Variants in KLHL2 observed in about 807,000 individuals in gnomAD.
The protein encoded by KLHL2 is kelch like family member 2.
In KLHL2, 15 loss-of-function variants were observed where a neutral mutation model predicts 75.8. That is an observed-to-expected ratio of 0.20 (90% CI 0.13 to 0.30). The LOEUF (loss-of-function observed/expected upper bound fraction) is 0.30. Ranked by LOEUF, KLHL2 falls within the 10% of genes least tolerant of loss-of-function variation. The probability of loss-of-function intolerance (pLI) is 1.00; values close to 1 mark genes in which losing one functional copy is unlikely to be tolerated. For synonymous variants in KLHL2, 214 were observed against 251.9 expected (o/e 0.85, Z 1.42); for missense variants, 381 against 741.0 (o/e 0.51, Z 5.64).
chr4:165,279,259 T>G, intron 5 of KLHL2: 1 of 1,534,048 alleles, frequency 6.5e-7, no homozygotes, highest in Non-Finnish European at 9.0e-7. Flanking sequence ...TTCCTGGAAT[T>G]CTTTTACTAA....
rs143126565 is a variant in KLHL2, at chr4:165,320,781, C to T, written c.1754-1251C>T. Among the ~76,000 whole-genome samples the T allele has an allele frequency of 4.8e-3, 724 of 152,280 alleles. 6 individuals are homozygous for T. Among genetic ancestry groups the T allele is most frequent in the African/African-American group, 0.015 (613 of 41,534 alleles). ...GTGTATGACTTCACAGGAGTTATGA[C>T]AGAGCCAGTCAAAGAAATCATGAAA... is the stretch of plus-strand genomic sequence containing the variant. On this transcript the variant is annotated intron_variant, in intron 14 of 14. Transcript: ENST00000226725.
chr4:165,276,992 G>A (rs1743171620), intron 5 of KLHL2, among the ~76,000 whole-genome samples: 1 of 152,072 alleles, frequency 6.6e-6, no homozygotes, highest in Non-Finnish European at 1.5e-5. Flanking sequence ...TATAGTTGAA[G>A]TCACAATAAA....
At chr4:165,303,139 AC>A (rs1745460140) in intron 8 of KLHL2, among the ~76,000 whole-genome samples, 1 of 151,984 alleles carries the variant, frequency 6.6e-6, no homozygotes, top group African/African-American at 2.4e-5. Context: ...CCAAATCGTT[AC>A]CCCATTTTCC....
At chr4:165,316,285 A>G (rs1193423223) in intron 13 of KLHL2, among the ~76,000 whole-genome samples, 1 of 152,166 alleles carries the variant, frequency 6.6e-6, no homozygotes, top group Non-Finnish European at 1.5e-5. Context: ...CTCCTTGTTC[A>G]TGCCTTCCAT....
chr4:165,259,736 A>G (rs1235825478), intron 4 of KLHL2, among the ~76,000 whole-genome samples: 3 of 152,152 alleles, frequency 2.0e-5, no homozygotes, highest in Non-Finnish European at 4.4e-5. Flanking sequence ...GGAGATTTAG[A>G]AATTATACAA....
chr4:165,256,433 G>A (rs1429575545), intron 4 of KLHL2, among the ~76,000 whole-genome samples: 5 of 152,082 alleles, frequency 3.3e-5, no homozygotes, highest in African/African-American at 7.2e-5. Context: ...GCTGTTCACC[G>A]AACAGGAAGA....
At chr4:165,247,179 T>C (rs1740327659) in intron 4 of KLHL2, among the ~76,000 whole-genome samples, 2 of 152,198 alleles carry the variant, frequency 1.3e-5, no homozygotes, top group Admixed American at 1.3e-4. Context: ...GTGTCTTGTC[T>C]GATTAGTGTT....
rs1739994898 is a variant in KLHL2 at position 165,243,615 on chromosome 4, G to A, written c.381+4716G>A. ...AAGGGACATCTAAAATCAATTATTG[G>A]TAATAAACAGACTAAATGTTTAACA... On this transcript the variant is annotated intron_variant, in intron 4 of 14. Coordinates refer to ENST00000226725, the MANE Select transcript of KLHL2 (RefSeq NM_007246.4). 3.9e-5 allele frequency among the ~76,000 whole-genome samples: 6 copies of A among 152,212 alleles called. 1 individual carries two copies. The South Asian group carries it at 1.2e-3, about 31-fold the overall frequency.
At chr4:165,310,461 A>T (rs764476311) in intron 9 of KLHL2, 92 bp from the exon 10 acceptor site, 35 of 1,072,038 alleles carry the variant, frequency 3.3e-5, no homozygotes, top group Non-Finnish European at 4.9e-5. Context: ...GCATGTTCTG[A>T]CAACAGCTAT....
chr4:165,245,101 G>T (rs1478592489), intron 4 of KLHL2, among the ~76,000 whole-genome samples: 1 of 152,134 alleles, frequency 6.6e-6, no homozygotes, highest in African/African-American at 2.4e-5. Context: ...CCAGCTACTC[G>T]TGAGGCTGAA....
chr4:165,316,045 A>G (rs1746565778), intron 13 of KLHL2, among the ~76,000 whole-genome samples: 1 of 152,220 alleles, frequency 6.6e-6, no homozygotes, highest in African/African-American at 2.4e-5. Flanking sequence ...AACTGGAACC[A>G]TCAAACACTG....
chr4:165,298,488 T>A (rs780947617), intron 7 of KLHL2, among the ~76,000 whole-genome samples: 31 of 152,296 alleles, frequency 2.0e-4, no homozygotes, highest in African/African-American at 4.6e-4. Context: ...CTGTTTTTTT[T>A]ATTAGAATCC....
intron 5 of KLHL2, chr4:165,279,004 T>C: frequency 6.7e-7 from 1 of 1,501,048 alleles, no homozygotes. Context: ...GTTTATCCCA[T>C]TCCAAAGAAT....
intron 1 of KLHL2, among the ~76,000 whole-genome samples, chr4:165,215,158 C>T (rs1370654207): frequency 6.6e-6 from 1 of 152,070 alleles, no homozygotes; most frequent in Admixed American, 6.6e-5. Context: ...GTCTCTTTGC[C>T]TTAGCTAACT....
chr4:165,269,242 T>G (rs188853293), intron 5 of KLHL2, among the ~76,000 whole-genome samples: 6 of 152,316 alleles, frequency 3.9e-5, no homozygotes, highest in Non-Finnish European at 7.4e-5. Flanking sequence ...TGCAGCACAC[T>G]GATGGGTCTT....
chr4:165,215,665 A>T (rs1323871220), intron 1 of KLHL2, among the ~76,000 whole-genome samples: 1 of 152,156 alleles, frequency 6.6e-6, no homozygotes, highest in African/African-American at 2.4e-5. Flanking sequence ...CCTAAATGTC[A>T]AAATGTCTTT....
At chr4:165,306,515 T>G (rs1745738235) in intron 9 of KLHL2, among the ~76,000 whole-genome samples, 1 of 152,224 alleles carries the variant, frequency 6.6e-6, no homozygotes, top group Non-Finnish European at 1.5e-5. Context: ...AAACTAGACT[T>G]ACTGATTCAA....
chr4:165,238,541 G>T (rs1411803940), intron 3 of KLHL2, among the ~76,000 whole-genome samples: 1 of 152,170 alleles, frequency 6.6e-6, no homozygotes, highest in Non-Finnish European at 1.5e-5. Flanking sequence ...CATATGGCAC[G>T]TTCATTGTTG....
At chr4:165,286,560 C>A (rs1288973874) in intron 5 of KLHL2, among the ~76,000 whole-genome samples, 1 of 152,048 alleles carries the variant, frequency 6.6e-6, no homozygotes, top group Non-Finnish European at 1.5e-5. Flanking sequence ...AGAATCCTAA[C>A]CAGTAGAGAA....
Sources: gnomAD v4.1 joint callset for allele counts (sites outside exome capture counted in the v4.1 genomes callset) on GRCh38, gnomAD v4.1.1 for gene constraint, MANE v1.5 for transcripts, NCBI Gene and HGNC (gene_info 2026-07-23, HGNC 2026-07-21) for gene names.